The following CIBAR2 variants were observed in gnomAD, a reference collection of about 807,000 sequenced individuals.
CIBAR2 encodes the protein CBY1 interacting BAR domain containing 2.
A neutral mutation model predicts 36.2 loss-of-function variants in CIBAR2; 38 were observed. The observed-to-expected ratio is 1.05, with a 90% confidence interval of 0.81 to 1.38. The LOEUF is 1.38. Among genes scored for constraint, CIBAR2 ranks in the 40% most tolerant of loss-of-function variants. CIBAR2 has a pLI of 0.00. For missense variants in CIBAR2, 481 were observed against 383.4 expected (o/e 1.25, Z -2.13); for synonymous variants, 182 against 149.5 (o/e 1.22, Z -1.58).
rs960414671 is a variant in CIBAR2, at chr16:85,098,643, C to T, written c.*542G>A. 3.1e-5 allele frequency: 31 copies of T among 985,600 alleles called. No homozygotes were observed. Among genetic ancestry groups the T allele is most frequent in the Non-Finnish European group, 3.5e-5 (29 of 829,716 alleles). The allele number at this position is 985,600 out of a possible 1,614,324, so 61.1% of individuals were successfully genotyped here. ...CCATGGAGTTGTCCTCACTCTCCTC[C>T]CCTTCTTTTCCTGGGCTCCATATGG... On this transcript the variant is annotated 3_prime_UTR_variant, in exon 9 of 9. Coordinates refer to ENST00000539556, the MANE Select transcript of CIBAR2 (RefSeq NM_198491.3).
intron 4 of CIBAR2, 29 bp from the exon 5 acceptor site, chr16:85,107,701 T>G: frequency 6.2e-7 from 1 of 1,613,976 alleles, no homozygotes; most frequent in Non-Finnish European, 8.5e-7. Flanking sequence ...AGGAACCAAG[T>G]TAAGCCCAGG....
In CIBAR2 at chr16:85,107,580, C is replaced by T. The variant is rs2074006039; in HGVS notation, c.432+87G>A. On this transcript the variant is annotated intron_variant, in intron 5 of 8. Coordinates refer to ENST00000539556, the MANE Select transcript of CIBAR2 (RefSeq NM_198491.3). ...AGGTCCTGCACACACCTGCTTCAGA[C>T]CAGGTAAAGTCTACCTGGCCGTTTT... 3 of 1,420,964 alleles carry T rather than the reference C, an allele frequency of 2.1e-6. No individual in the cohort carries two copies. In the African/African-American group the frequency reaches 4.2e-5, roughly 20 times the overall value. The allele number at this position is 1,420,964 out of a possible 1,614,324, so 88.0% of individuals were successfully genotyped here.
chr16:85,110,908 T>A (rs141472387), intron 1 of CIBAR2, among the ~76,000 whole-genome samples: 55 of 152,242 alleles, frequency 3.6e-4, no homozygotes, highest in African/African-American at 1.2e-3. Context: ...TTTCACCATG[T>A]TGGCCAGGCT....
In CIBAR2 at chr16:85,106,995, A is replaced by C. The variant is rs554836167; in HGVS notation, c.432+672T>G. Among the ~76,000 whole-genome samples, 4 of 152,156 alleles carry C rather than the reference A, an allele frequency of 2.6e-5. No individual in the cohort carries two copies. In the East Asian group the frequency reaches 7.7e-4, roughly 29 times the overall value. On this transcript the variant is annotated intron_variant, in intron 5 of 8. Transcript: ENST00000539556. ...ACCCCGTCTCTGCTAAAAATATAAAAATTAGCCAGGCACAGTGGTGGGCAC... is the reference window on the plus strand; with the variant it reads ...ACCCCGTCTCTGCTAAAAATATAAACATTAGCCAGGCACAGTGGTGGGCAC...
chr16:85,102,389 G>A (rs750782471), intron 6 of CIBAR2, 62 bp from the exon 7 acceptor site: 1 of 1,037,008 alleles, frequency 9.6e-7, no homozygotes, highest in Non-Finnish European at 1.5e-6. Flanking sequence ...AGGGAAGCCT[G>A]GGATGCAGGC....
At chr16:85,107,306 C>A (rs186765162) in intron 5 of CIBAR2, among the ~76,000 whole-genome samples, 1 of 152,108 alleles carries the variant, frequency 6.6e-6, no homozygotes, top group Admixed American at 6.6e-5. Flanking sequence ...AGACAGCATG[C>A]GGGGTCCCTT....
Position 85,099,233 on chromosome 16 carries a change from A to T in CIBAR2, c.867T>A (p.Cys289Ter). 1.2e-6 allele frequency: 2 copies of T among 1,610,980 alleles called. No homozygotes were observed. The highest frequency in any genetic ancestry group is 8.5e-7 in the Non-Finnish European group (1 of 1,178,544). ...TGAGATGCCCACCCTGCCCACACAC[A>T]CAGTGGGCTGGCTGCCCCTTAACCA... The part of the protein sequence containing the change: ...EWVVKGQPAH[C>*]VCGQGGHLML... Residue 289 changes from cysteine (C) to a stop codon, truncating the protein, a stop_gained, in exon 9 of 9, where the codon TGT (cysteine) becomes TGA (stop). Coordinates refer to ENST00000539556, the MANE Select transcript of CIBAR2 (RefSeq NM_198491.3). LOFTEE classifies it high-confidence loss of function.
intron 3 of CIBAR2, 28 bp from the exon 4 acceptor site, chr16:85,107,975 T>A: frequency 6.2e-7 from 1 of 1,613,668 alleles, no homozygotes; most frequent in Non-Finnish European, 8.5e-7. Context: ...GGTTGTTTCC[T>A]GGGATCCCAC....
At position 85,110,479 on chromosome 16, in the gene CIBAR2, G is replaced by T; in HGVS notation, c.21-19C>A. ...GCTGTCCCTGTGGAGGCGGGGACCT[G>T]AGCAGCCATTCTGGGCAGAGATGCA... On this transcript the variant is annotated intron_variant, in intron 1 of 8. Coordinates refer to ENST00000539556, the MANE Select transcript of CIBAR2 (RefSeq NM_198491.3). 4 of 1,556,274 alleles carry T rather than the reference G, an allele frequency of 2.6e-6. No homozygotes were observed. The highest frequency in any genetic ancestry group is 2.6e-6 in the Non-Finnish European group (3 of 1,141,948).
chr16:85,099,278 C>G lies in CIBAR2; in HGVS notation c.822G>C (p.Arg274Ser). Residue 274 changes from arginine to serine, a missense_variant, in exon 9 of 9, where the codon AGG becomes AGC. Arg to Ser is a moderately radical substitution (Grantham distance 110, BLOSUM62 -1). Transcript: ENST00000539556. ...TAACCACCCACTCACAGAGACTAAA[C>G]CTGCCATGATTGGCATGAGGATGTT... ...DPEHPHANHG[R>S]FSLCEWVVKG... The G allele has an allele frequency of 6.2e-7, 1 of 1,614,108 alleles. No homozygotes were observed. Among genetic ancestry groups the G allele is most frequent in the Non-Finnish European group, 8.5e-7 (1 of 1,179,982 alleles).
At chr16:85,102,391 G>C (rs997252772) in intron 6 of CIBAR2, 64 bp from the exon 7 acceptor site, 1 of 950,092 alleles carries the variant, frequency 1.1e-6, no homozygotes, top group Non-Finnish European at 1.7e-6. Context: ...GGAAGCCTGG[G>C]ATGCAGGCAG....
intron 8 of CIBAR2, 115 bp downstream of exon 8, chr16:85,100,024 C>A: frequency 1.3e-6 from 1 of 773,336 alleles, no homozygotes; most frequent in South Asian, 1.8e-5. Context: ...CTCAGCCTCC[C>A]ATTTCAAATT....
intron 6 of CIBAR2, among the ~76,000 whole-genome samples, chr16:85,104,141 A>G (rs531024305): frequency 6.6e-6 from 1 of 152,356 alleles, no homozygotes; most frequent in African/African-American, 2.4e-5. Flanking sequence ...GGGCCTGACC[A>G]GTCTTGGGTC....
chr16:85,110,248 A>G lies in CIBAR2; in HGVS notation c.233T>C (p.Val78Ala). ...CACCTGGGCCTGCCGGTAATCCTGCACTTTGGCCAGGTCCTCAGCGAAGCC... is the reference window on the plus strand; with the variant it reads ...CACCTGGGCCTGCCGGTAATCCTGCGCTTTGGCCAGGTCCTCAGCGAAGCC... ...MRGFAEDLAK[V>A]QDYRQAQVER... Residue 78 changes from valine (V) to alanine (A), a missense_variant, in exon 2 of 9, where the codon GTG (valine) becomes GCG (alanine). Coordinates refer to ENST00000539556, the MANE Select transcript of CIBAR2 (RefSeq NM_198491.3). The G allele has an allele frequency of 6.3e-7, 1 of 1,581,160 alleles. No individual in the cohort carries two copies. The highest frequency in any genetic ancestry group is 8.6e-7 in the Non-Finnish European group (1 of 1,160,462).
chr16:85,104,511 C>T (rs144753206), intron 6 of CIBAR2, among the ~76,000 whole-genome samples: 87 of 152,252 alleles, frequency 5.7e-4, no homozygotes, highest in African/African-American at 2.0e-3. Context: ...CGTTCGAGAC[C>T]AGCCTGGCCA....
chr16:85,099,459 C>G, intron 8 of CIBAR2, 113 bp from the exon 9 acceptor site: 1 of 687,668 alleles, frequency 1.5e-6, no homozygotes, highest in Non-Finnish European at 2.6e-6. Context: ...ATTCTGGAAC[C>G]CGCGGGCCCA....
At chr16:85,107,489 G>T (rs983115534) in intron 5 of CIBAR2, among the ~76,000 whole-genome samples, 178 bp downstream of exon 5, 4 of 152,182 alleles carry the variant, frequency 2.6e-5, no homozygotes, top group Admixed American at 2.6e-4. Flanking sequence ...ATGGGACAGA[G>T]CCCAGGTCTC....
intron 2 of CIBAR2, 81 bp downstream of exon 2, chr16:85,110,145 C>T (rs2074028821): frequency 1.8e-6 from 2 of 1,093,290 alleles, no homozygotes; most frequent in Admixed American, 4.8e-5. Context: ...CACAGCAGGG[C>T]TCCTGCAGCC....
At chr16:85,109,051 T>G in intron 2 of CIBAR2, among the ~76,000 whole-genome samples, 1 of 152,124 alleles carries the variant, frequency 6.6e-6, no homozygotes. Context: ...GGTAGGCTCC[T>G]GGCTCCAAGT....
Sources: allele counts gnomAD v4.1 joint callset (sites outside exome capture counted in the v4.1 genomes callset), GRCh38; gene constraint gnomAD v4.1.1; transcripts MANE v1.5; gene names NCBI Gene and HGNC (gene_info 2026-07-23, HGNC 2026-07-21).